DENND1A: variants seen among roughly 807,000 people sequenced by gnomAD.
DENND1A encodes the protein DENN domain containing 1A.
A neutral mutation model predicts 113.7 loss-of-function variants in DENND1A; 51 were observed. That is an observed-to-expected ratio of 0.45 (90% CI 0.36 to 0.57). The LOEUF (loss-of-function observed/expected upper bound fraction) is 0.57, where lower values mean the gene tolerates loss of function less well. Ranked by LOEUF, DENND1A falls within the 20% of genes least tolerant of loss-of-function variation. The probability of loss-of-function intolerance (pLI) is 0.00; values close to 1 mark genes in which losing one functional copy is unlikely to be tolerated. For missense variants in DENND1A, 1,258 were observed against 1,395.9 expected (o/e 0.90, Z 1.57); for synonymous variants, 565 against 570.8 (o/e 0.99, Z 0.14).
At chr9:123,908,862 G>T (rs1853412416) in intron 1 of DENND1A, among the ~76,000 whole-genome samples, 1 of 152,194 alleles carries the variant, frequency 6.6e-6, no homozygotes, top group African/African-American at 2.4e-5. Context: ...ATACCCAAAG[G>T]ACTATAAATC....
Position 123,457,267 on chromosome 9 carries a change from C to A in DENND1A, c.1186+81G>T. ...TTCCTAAGCCCCAATAAAGGAAAAG[C>A]AAGTCACTGCCACTCCTTGTCAAAT... On this transcript the variant is annotated intron_variant, in intron 15 of 23. Transcript: ENST00000394215. 2.8e-6 allele frequency: 3 copies of A among 1,075,804 alleles called. No homozygotes were observed. In the South Asian group the frequency reaches 3.9e-5, roughly 14 times the overall value. The allele number at this position is 1,075,804 out of a possible 1,614,324, so 66.6% of individuals were successfully genotyped here. A position where few individuals can be genotyped will look rare whatever the true frequency, so the allele number is the denominator to read the frequency against.
At position 123,718,904 on chromosome 9, in the gene DENND1A, C is replaced by T. The variant is rs150283178; in HGVS notation, c.302+38799G>A. On this transcript the variant is annotated intron_variant, in intron 5 of 23. Coordinates refer to ENST00000394215, the MANE Select transcript of DENND1A (RefSeq NM_001352964.2). ...TGAAATGTAGCTCCCATAATTCCCA[C>T]ATGTTGTGGGATGGACCCGGTGGGA... 2.4e-3 allele frequency among the ~76,000 whole-genome samples: 360 copies of T among 152,334 alleles called. 1 individual carries two copies. Among genetic ancestry groups the T allele is most frequent in the Non-Finnish European group, 3.8e-3 (256 of 68,034 alleles).
At chr9:123,651,745 A>T (rs2062671545) in intron 9 of DENND1A, among the ~76,000 whole-genome samples, 1 of 152,246 alleles carries the variant, frequency 6.6e-6, no homozygotes, top group Non-Finnish European at 1.5e-5. Context: ...AAAAAATGAC[A>T]ATTGAAGCTC....
At chr9:123,834,968 G>A (rs1313031295) in intron 2 of DENND1A, among the ~76,000 whole-genome samples, 6 of 152,172 alleles carry the variant, frequency 3.9e-5, no homozygotes, top group African/African-American at 1.4e-4. Context: ...AAAGAAAAGA[G>A]AATTTAAAAA....
Position 123,763,086 on chromosome 9 carries a change from T to C in DENND1A, c.183-5264A>G, listed in dbSNP as rs576861298. The stretch of plus-strand genomic sequence containing the variant: ...ATGGTAAAGAATTCAGATTTTTTTT[T>C]TTTTTTTGGCGGTGGGGGGAGGCAA... On this transcript the variant is annotated intron_variant, in intron 4 of 23. Coordinates refer to ENST00000394215, the MANE Select transcript of DENND1A (RefSeq NM_001352964.2). 9.0e-3 allele frequency among the ~76,000 whole-genome samples: 1,367 copies of C among 152,232 alleles called. 77 individuals carry two copies. Among genetic ancestry groups the C allele is most frequent in the Admixed American group, 0.079 (1,209 of 15,272 alleles).
intron 18 of DENND1A, among the ~76,000 whole-genome samples, chr9:123,449,721 T>C (rs930155008): frequency 6.6e-6 from 1 of 152,188 alleles, no homozygotes. Context: ...GAGACTCTTA[T>C]TCTAAGTGAA....
intron 10 of DENND1A, among the ~76,000 whole-genome samples, chr9:123,620,124 G>A (rs1338628503): frequency 7.3e-6 from 1 of 136,116 alleles, no homozygotes; most frequent in Admixed American, 8.3e-5. Context: ...TGAGGCAGAA[G>A]AATTGCTTGA....
At chr9:123,539,762 A>G (rs1399467378) in intron 13 of DENND1A, among the ~76,000 whole-genome samples, 1 of 152,016 alleles carries the variant, frequency 6.6e-6, no homozygotes, top group Non-Finnish European at 1.5e-5. Context: ...GGGCGCCTGT[A>G]GTCCCAGCTA....
chr9:123,908,965 T>C (rs1853432258), intron 1 of DENND1A, among the ~76,000 whole-genome samples: 4 of 152,050 alleles, frequency 2.6e-5, no homozygotes, highest in South Asian at 2.1e-4. Context: ...CCAACAATGA[T>C]AGACTGGATT....
At chr9:123,562,356 G>A (rs934941700) in intron 12 of DENND1A, among the ~76,000 whole-genome samples, 10 of 152,052 alleles carry the variant, frequency 6.6e-5, no homozygotes, top group African/African-American at 2.4e-4. Flanking sequence ...GCCTCTGAAA[G>A]ACCATCCAAG....
intron 13 of DENND1A, among the ~76,000 whole-genome samples, chr9:123,516,939 A>T: frequency 6.7e-6 from 1 of 150,048 alleles, no homozygotes; most frequent in Admixed American, 6.6e-5. Context: ...ATAGTAAAAC[A>T]TTTATGAAAT....
intron 13 of DENND1A, among the ~76,000 whole-genome samples, chr9:123,523,519 C>T (rs772091467): frequency 1.7e-4 from 26 of 152,252 alleles, no homozygotes; most frequent in South Asian, 4.1e-4. Context: ...AGATTCAGAT[C>T]GATGGGTCAC....
At chr9:123,776,085 G>GCCA (rs2131738992) in intron 3 of DENND1A, among the ~76,000 whole-genome samples, 1 of 152,004 alleles carries the variant, frequency 6.6e-6, no homozygotes, top group East Asian at 1.9e-4. Context: ...AACTTCCCCT[G>GCCA]CCACCCCACA....
chr9:123,491,831 C>T (rs946713956), intron 13 of DENND1A: 3 of 152,268 alleles, frequency 2.0e-5, no homozygotes, highest in Non-Finnish European at 4.4e-5. Flanking sequence ...CTCCTTCTGT[C>T]CTCACCCTCC....
At chr9:123,771,668 T>C (rs1829754752) in intron 3 of DENND1A, among the ~76,000 whole-genome samples, 1 of 152,190 alleles carries the variant, frequency 6.6e-6, no homozygotes, top group African/African-American at 2.4e-5. Context: ...AGGAATCTAA[T>C]ATGCCCAACT....
chr9:123,641,690 G>A (rs779101503), intron 9 of DENND1A, among the ~76,000 whole-genome samples: 2 of 152,080 alleles, frequency 1.3e-5, no homozygotes, highest in Admixed American at 6.6e-5. Context: ...CTATTATGTC[G>A]TCTCAACATG....
intron 13 of DENND1A, among the ~76,000 whole-genome samples, chr9:123,469,258 A>C (rs2133306632): frequency 6.6e-6 from 1 of 152,366 alleles, no homozygotes; most frequent in South Asian, 2.1e-4. Flanking sequence ...TAAACAAAGA[A>C]TCAATGTCTC....
At chr9:123,736,229 G>A (rs571465903) in intron 5 of DENND1A, among the ~76,000 whole-genome samples, 1 of 152,358 alleles carries the variant, frequency 6.6e-6, no homozygotes, top group South Asian at 2.1e-4. Flanking sequence ...GAGCTATGTT[G>A]TAAGCTCAGA....
intron 21 of DENND1A, among the ~76,000 whole-genome samples, chr9:123,396,746 C>CT (rs2043159437): frequency 6.6e-6 from 1 of 152,202 alleles, no homozygotes; most frequent in Admixed American, 6.5e-5. Context: ...GTCTACCTAG[C>CT]TAGCATGGCC....
Sources: allele counts gnomAD v4.1 joint callset (sites outside exome capture counted in the v4.1 genomes callset), GRCh38; gene constraint gnomAD v4.1.1; transcripts MANE v1.5; gene names NCBI Gene and HGNC (gene_info 2026-07-23, HGNC 2026-07-21).